Variants in TMC3 observed in about 807,000 individuals in gnomAD.
TMC3 encodes the protein transmembrane channel like 3.
A neutral mutation model predicts 110.6 loss-of-function variants in TMC3; 98 were observed. That is an observed-to-expected ratio of 0.89 (90% CI 0.75 to 1.05). The LOEUF (loss-of-function observed/expected upper bound fraction) is 1.05, where lower values mean the gene tolerates loss of function less well. Ranked by LOEUF, TMC3 falls within the 50% of genes least tolerant of loss-of-function variation. TMC3 has a pLI of 0.00. For synonymous variants in TMC3, 489 were observed against 513.1 expected (o/e 0.95, Z 0.63); for missense variants, 1,319 against 1,373.2 (o/e 0.96, Z 0.62).
chr15:81,368,236 T>A lies in TMC3; in HGVS notation c.312+17A>T. 6.2e-7 allele frequency: 1 copy of A among 1,608,420 alleles called. No homozygotes were observed. Among genetic ancestry groups the A allele is most frequent in the Non-Finnish European group, 8.5e-7 (1 of 1,175,132 alleles). ...GTGTGAGCCACCGCGCCCAGCCACA[T>A]GTGTGTTCTGTATTACCTCTGCACC... On this transcript the variant is annotated intron_variant, in intron 3 of 21. Coordinates refer to ENST00000359440, the MANE Select transcript of TMC3 (RefSeq NM_001080532.3).
At chr15:81,343,797 C>T (rs1204710212) in intron 14 of TMC3, 120 bp downstream of exon 14, 1 of 1,129,656 alleles carries the variant, frequency 8.9e-7, no homozygotes, top group Non-Finnish European at 1.2e-6. Context: ...CATCTCTTCC[C>T]ACTTGTATTC....
intron 2 of TMC3, among the ~76,000 whole-genome samples, chr15:81,369,261 A>G (rs1894383175): frequency 6.6e-6 from 1 of 151,918 alleles, no homozygotes; most frequent in African/African-American, 2.4e-5. Flanking sequence ...GTACAAGCCA[A>G]CTCCTTTATC....
In TMC3 at chr15:81,355,759, A is replaced by G. The variant is rs751899030; in HGVS notation, c.901T>C (p.Leu301=). ...CTTTTCTTTTTCTCCTGTTCTTCCA[A>G]TATAGCTTCCTTTAAGAAAAATACA... is the stretch of plus-strand genomic sequence containing the variant. ...AIVNSIREAI[L]EEQEKKKSKN... The change falls in exon 9 of 22, where the codon TTG becomes CTG. Residue 301 remains leucine (L), a synonymous_variant. Coordinates refer to ENST00000359440, the MANE Select transcript of TMC3 (RefSeq NM_001080532.3). 3.8e-6 allele frequency: 6 copies of G among 1,591,194 alleles called. No individual in the cohort carries two copies. The highest frequency in any genetic ancestry group is 2.2e-5 in the East Asian group (1 of 44,572).
At chr15:81,358,668 A>T (rs78890064) in intron 5 of TMC3, among the ~76,000 whole-genome samples, 168 bp from the exon 6 acceptor site, 5,231 of 151,912 alleles carry the variant, frequency 0.034, 135 homozygotes, top group East Asian at 0.15. Context: ...GGGCGGCCAG[A>T]TTTTCTTTTT....
intron 3 of TMC3, among the ~76,000 whole-genome samples, chr15:81,365,071 A>G (rs1894281065): frequency 6.6e-6 from 1 of 152,208 alleles, no homozygotes; most frequent in Non-Finnish European, 1.5e-5. Context: ...ATATGTCAGT[A>G]TCTCCAACCT....
chr15:81,372,822 C>CA, intron 1 of TMC3, 85 bp from the exon 2 acceptor site: 2 of 1,398,732 alleles, frequency 1.4e-6, no homozygotes, highest in Admixed American at 3.9e-5. Context: ...ACAAGTTCAG[C>CA]ATCTCACTGC....
chr15:81,370,402 G>A (rs1407752602), intron 2 of TMC3, among the ~76,000 whole-genome samples: 1 of 152,146 alleles, frequency 6.6e-6, no homozygotes, highest in Non-Finnish European at 1.5e-5. Context: ...GATGACGGAC[G>A]AAGGTGCTCA....
chr15:81,340,367 TAATAA>T (rs1422263577), intron 16 of TMC3, among the ~76,000 whole-genome samples: 3 of 152,256 alleles, frequency 2.0e-5, no homozygotes, highest in Non-Finnish European at 4.4e-5. Context: ...TACATACATA[TAATAA>T]ATATACATAC....
chr15:81,356,241 G>C (rs1370997687), intron 8 of TMC3, among the ~76,000 whole-genome samples: 2 of 152,140 alleles, frequency 1.3e-5, no homozygotes, highest in Non-Finnish European at 2.9e-5. Context: ...AGTTTAAAAA[G>C]AAAGGAGTTT....
At chr15:81,356,256 A>G (rs1894058101) in intron 8 of TMC3, among the ~76,000 whole-genome samples, 191 bp downstream of exon 8, 2 of 152,220 alleles carry the variant, frequency 1.3e-5, no homozygotes, top group Admixed American at 1.3e-4. Flanking sequence ...GAGTTTCAAA[A>G]TGTTTCTCCC....
chr15:81,338,794 A>G lies in TMC3; in HGVS notation c.1956-14T>C. 6.2e-7 allele frequency: 1 copy of G among 1,613,006 alleles called. No homozygotes were observed. The highest frequency in any genetic ancestry group is 8.5e-7 in the Non-Finnish European group (1 of 1,179,484). ...TTCTCTTGTCCACTGTGAGAAAGAAAAACATAACTCCAGATTTTATTGCTC... is the reference window on the plus strand; with the variant it reads ...TTCTCTTGTCCACTGTGAGAAAGAAGAACATAACTCCAGATTTTATTGCTC... On this transcript the variant is annotated splice_polypyrimidine_tract_variant and intron_variant, in intron 17 of 21. Coordinates refer to ENST00000359440, the MANE Select transcript of TMC3 (RefSeq NM_001080532.3).
intron 13 of TMC3, among the ~76,000 whole-genome samples, 194 bp downstream of exon 13, chr15:81,344,572 C>T (rs1055866660): frequency 2.0e-5 from 3 of 152,220 alleles, no homozygotes; most frequent in Non-Finnish European, 2.9e-5. Context: ...TAGGACAGGA[C>T]CCAGCATGCG....
chr15:81,337,790 A>G (rs1893628901), intron 19 of TMC3, 56 bp downstream of exon 19: 2 of 1,444,886 alleles, frequency 1.4e-6, no homozygotes, highest in Non-Finnish European at 1.9e-6. Flanking sequence ...CGCTGGCGGG[A>G]TCTCAGTCAT....
intron 11 of TMC3, among the ~76,000 whole-genome samples, chr15:81,348,778 TGC>T (rs1189715670): frequency 6.7e-6 from 1 of 149,318 alleles, no homozygotes; most frequent in African/African-American, 2.5e-5. Context: ...AACCAGACAC[TGC>T]CAGACCTCTT....
chr15:81,339,150 A>C (rs570463217), intron 17 of TMC3, among the ~76,000 whole-genome samples: 1 of 152,344 alleles, frequency 6.6e-6, no homozygotes, highest in Non-Finnish European at 1.5e-5. Context: ...CTAGCACAGA[A>C]CAATGCTGTT....
At position 81,372,701 on chromosome 15, in the gene TMC3, C is replaced by T. The variant is rs373776582; in HGVS notation, c.126G>A (p.Gly42=). The change falls in exon 2 of 22, where the codon GGG becomes GGA. Residue 42 remains glycine, a synonymous_variant. Transcript: ENST00000359440. ...AGATTTGTTCCGGATCATTGCTGTC[C>T]CCTGTTTCATCAGCACTAAAGCTGT... The part of the protein sequence containing the change: ...LDDSFSADET[G]DSNDPEQIFQ... 1.4e-5 allele frequency: 22 copies of T among 1,613,778 alleles called. No individual in the cohort carries two copies. The African/African-American group carries it at 2.8e-4, about 21-fold the overall frequency.
intron 21 of TMC3, among the ~76,000 whole-genome samples, chr15:81,333,991 CAAAAAA>C (rs949681769): frequency 1.5e-5 from 2 of 130,938 alleles, no homozygotes; most frequent in African/African-American, 5.6e-5. Context: ...ACCCTAGTCT[CAAAAAA>C]AAAAAAAAGT....
chr15:81,364,802 T>A (rs1035636755), intron 3 of TMC3, among the ~76,000 whole-genome samples: 1 of 151,712 alleles, frequency 6.6e-6, no homozygotes, highest in Non-Finnish European at 1.5e-5. Context: ...AAGTTCACAG[T>A]CACTTCAGAG....
chr15:81,365,670 C>CAAAAAAAAA (rs398043535), intron 3 of TMC3, among the ~76,000 whole-genome samples: 4 of 82,164 alleles, frequency 4.9e-5, no homozygotes, highest in African/African-American at 1.1e-4. Context: ...GACTCTGTCT[C>CAAAAAAAAA]AAAAAAAAAA....
Sources: allele counts gnomAD v4.1 joint callset (sites outside exome capture counted in the v4.1 genomes callset), GRCh38; gene constraint gnomAD v4.1.1; transcripts MANE v1.5; gene names NCBI Gene and HGNC (gene_info 2026-07-23, HGNC 2026-07-21).